BBX: variants seen among roughly 807,000 people sequenced by gnomAD.
BBX encodes BBX high mobility group box domain containing.
Under a neutral mutation model 100.2 loss-of-function variants are expected in BBX, and 30 were observed. That is an observed-to-expected ratio of 0.30 (90% CI 0.22 to 0.41). The LOEUF is 0.41. BBX is among the 10% of genes least tolerant of loss of function. The pLI is 1.00. For missense variants in BBX, 1,023 were observed against 1,129.8 expected (o/e 0.91, Z 1.35); for synonymous variants, 376 against 388.1 (o/e 0.97, Z 0.37).
Position 107,613,951 on chromosome 3 carries a change from T to G in BBX, c.-83-31885T>G, listed in dbSNP as rs867414620. 9.3e-4 allele frequency among the ~76,000 whole-genome samples: 107 copies of G among 114,964 alleles called. 1 individual carries two copies. The highest frequency in any genetic ancestry group is 4.6e-3 in the African/African-American group (98 of 21,140). The allele number at this position is 114,964 out of a possible 152,430, so 75.4% of individuals were successfully genotyped here. ...GGTCAACATACCATGGTTTTTTTTT[T>G]TTTTTTTTTTTTTTTTTTTGAGATG... On this transcript the variant is annotated intron_variant, in intron 2 of 17. Coordinates refer to ENST00000325805, the MANE Select transcript of BBX (RefSeq NM_001142568.3).
chr3:107,565,040 CA>C (rs2050781060), intron 2 of BBX, among the ~76,000 whole-genome samples: 1 of 152,170 alleles, frequency 6.6e-6, no homozygotes, highest in Admixed American at 6.5e-5. Flanking sequence ...AAATCTCACA[CA>C]TTTTTTTCTT....
chr3:107,690,891 C>CTTTTTTTTTTTTTTTTTTTTTTTTTTTT (rs1305340083), intron 3 of BBX, among the ~76,000 whole-genome samples: 1 of 72,314 alleles, frequency 1.4e-5, no homozygotes, highest in African/African-American at 4.5e-5. Context: ...TGCCCCCCCC[C>CTTTTTTTTTTTTTTTTTTTTTTTTTTTT]CTTTTTTTTT....
intron 2 of BBX, among the ~76,000 whole-genome samples, chr3:107,532,491 A>G (rs1229514580): frequency 6.6e-6 from 1 of 152,230 alleles, no homozygotes; most frequent in African/African-American, 2.4e-5. Context: ...GTGTCAAGGC[A>G]TGGAGATTGA....
intron 5 of BBX, among the ~76,000 whole-genome samples, chr3:107,725,661 C>G (rs2062870539): frequency 6.6e-6 from 1 of 151,984 alleles, no homozygotes; most frequent in South Asian, 2.1e-4. Context: ...TGCTAAATAA[C>G]AGTAAAATCA....
At chr3:107,802,045 A>G (rs1002841386) in intron 17 of BBX, among the ~76,000 whole-genome samples, 8 of 152,234 alleles carry the variant, frequency 5.3e-5, no homozygotes, top group Non-Finnish European at 1.0e-4. Flanking sequence ...ATTAAGTTCT[A>G]AGTGTATAAT....
chr3:107,718,782 T>G (rs1165675318), intron 5 of BBX, among the ~76,000 whole-genome samples: 1 of 152,080 alleles, frequency 6.6e-6, no homozygotes, highest in African/African-American at 2.4e-5. Flanking sequence ...TAAAATGAAA[T>G]CTGTTAAGGT....
At chr3:107,670,487 G>A (rs905721003) in intron 3 of BBX, among the ~76,000 whole-genome samples, 1 of 151,920 alleles carries the variant, frequency 6.6e-6, no homozygotes, top group African/African-American at 2.4e-5. Flanking sequence ...TAATTACCCT[G>A]ATCTGATTAC....
intron 15 of BBX, 26 bp downstream of exon 15, chr3:107,791,325 T>G (rs2069003524): frequency 4.4e-6 from 7 of 1,594,504 alleles, no homozygotes; most frequent in Non-Finnish European, 6.0e-6. Flanking sequence ...TTATTTAATT[T>G]GAGACAATCG....
intron 15 of BBX, among the ~76,000 whole-genome samples, chr3:107,792,505 A>G (rs2069166886): frequency 6.6e-6 from 1 of 152,222 alleles, no homozygotes; most frequent in Non-Finnish European, 1.5e-5. Context: ...TTCATGTTAA[A>G]CATAAGTATT....
intron 3 of BBX, among the ~76,000 whole-genome samples, chr3:107,655,511 A>ATTTTTT (rs35368803): frequency 2.6e-5 from 3 of 117,600 alleles, no homozygotes; most frequent in Admixed American, 9.3e-5. Flanking sequence ...ATGATAATTA[A>ATTTTTT]TTTTTTTTTT....
intron 2 of BBX, among the ~76,000 whole-genome samples, chr3:107,573,105 T>C (rs1026694122): frequency 1.3e-5 from 2 of 152,228 alleles, no homozygotes; most frequent in Non-Finnish European, 2.9e-5. Context: ...TTCAAAGTTA[T>C]GATTCTTTAA....
At position 107,801,184 on chromosome 3, in the gene BBX, G is replaced by T. The variant is rs781213654; in HGVS notation, c.2641G>T (p.Gly881Trp). ...CAAATGCTCACACAACACCGAGGTC[G>T]GGGAGACGCGGAGCAGTACTCCAGA... ...NDKCSHNTEV[G>W]ETRSSTPEMP... The change falls in exon 17 of 18, where the codon GGG becomes TGG. Residue 881 changes from glycine to tryptophan, a missense_variant. By Grantham distance (184) the Gly-to-Trp change is radical (BLOSUM62 -2). Transcript: ENST00000325805. 1.4e-5 allele frequency: 22 copies of T among 1,614,192 alleles called. No homozygotes were observed. The Admixed American group carries it at 3.7e-4, about 27-fold the overall frequency.
At chr3:107,715,809 A>G (rs1162079047) in intron 4 of BBX, among the ~76,000 whole-genome samples, 2 of 152,234 alleles carry the variant, frequency 1.3e-5, no homozygotes, top group Non-Finnish European at 2.9e-5. Context: ...GCTTTGTAGA[A>G]GTCCTCGAAG....
chr3:107,768,133 T>C (rs1351362419), intron 10 of BBX, among the ~76,000 whole-genome samples: 2 of 152,202 alleles, frequency 1.3e-5, no homozygotes, highest in Non-Finnish European at 2.9e-5. Flanking sequence ...TCTCAGTTCT[T>C]CATGGCCTGT....
rs115250842 is a variant in BBX at position 107,566,878 on chromosome 3, T to G, written c.-84+40480T>G. Among the ~76,000 whole-genome samples the G allele has an allele frequency of 4.2e-3, 638 of 152,238 alleles. 6 individuals are homozygous for G. Among genetic ancestry groups the G allele is most frequent in the African/African-American group, 0.015 (612 of 41,574 alleles). ...TAGTGCTTGTTTTGAAATAATTCAT[T>G]TATTTTTAAACTCTTTTCTTCTCTG... On this transcript the variant is annotated intron_variant, in intron 2 of 17. Transcript: ENST00000325805.
At position 107,732,866 on chromosome 3, in the gene BBX, A is replaced by C. The variant is rs144872285; in HGVS notation, c.602-90A>C. On this transcript the variant is annotated intron_variant, in intron 6 of 17. Transcript: ENST00000325805. ...TATATGTGGTTCTGTTGGATTTCTG[A>C]TTGCTAGTCTTTATGAGTATTCTTT... 1.2e-3 allele frequency: 1,284 copies of C among 1,055,034 alleles called. 18 individuals carry two copies. In the East Asian group the frequency reaches 0.025, roughly 20 times the overall value. The allele number at this position is 1,055,034 out of a possible 1,614,324, so 65.4% of individuals were successfully genotyped here. A position where few individuals can be genotyped will look rare whatever the true frequency, so the allele number is the denominator to read the frequency against.
At chr3:107,782,634 C>T (rs999385359) in intron 13 of BBX, among the ~76,000 whole-genome samples, 1 of 152,086 alleles carries the variant, frequency 6.6e-6, no homozygotes, top group African/African-American at 2.4e-5. Flanking sequence ...AAACCTTGAA[C>T]AAGAATGTTC....
At chr3:107,554,839 C>T (rs1576287443) in intron 2 of BBX, among the ~76,000 whole-genome samples, 1 of 152,196 alleles carries the variant, frequency 6.6e-6, no homozygotes. Flanking sequence ...GAGGCTGAGG[C>T]GGGCAGATCA....
rs1260656507 is a variant in BBX, at chr3:107,584,670, A to AT, written c.-84+58273dup. On this transcript the variant is annotated intron_variant, in intron 2 of 17. Transcript: ENST00000325805. Reference sequence around the variant, plus strand: ...TTTAAAAAGTGATTTTTCCGTTGAAATCTTTTTTTTTTTTTTTTTTTTTTT... The same window carrying AT: ...TTTAAAAAGTGATTTTTCCGTTGAAATTCTTTTTTTTTTTTTTTTTTTTTTT... Among the ~76,000 whole-genome samples, 7 of 69,824 alleles carry AT rather than the reference A, an allele frequency of 1.0e-4. No individual in the cohort carries two copies. In the South Asian group the frequency reaches 1.3e-3, roughly 13 times the overall value. 45.8% of individuals were successfully genotyped at this position (69,824 alleles called of 152,430 possible). A position where few individuals can be genotyped will look rare whatever the true frequency, so the allele number is the denominator to read the frequency against.
Sources: gnomAD v4.1 joint callset for allele counts (sites outside exome capture counted in the v4.1 genomes callset) on GRCh38, gnomAD v4.1.1 for gene constraint, MANE v1.5 for transcripts, NCBI Gene and HGNC (gene_info 2026-07-23, HGNC 2026-07-21) for gene names.